SLC44A5: variants seen among roughly 807,000 people sequenced by gnomAD.
SLC44A5 encodes the protein solute carrier family 44 member 5.
SLC44A5 carries 57 observed loss-of-function variants against 101.8 expected under a neutral mutation model. The observed-to-expected ratio is 0.56, with a 90% CI of 0.45 to 0.70. The LOEUF is 0.70. SLC44A5 is among the 30% of genes least tolerant of loss of function. The pLI is 0.00. For synonymous variants in SLC44A5, 281 were observed against 290.9 expected, an observed-to-expected ratio of 0.97 and a Z score of 0.35; for missense variants, 737 against 853.1, an observed-to-expected ratio of 0.86 and a Z score of 1.70.
intron 4 of SLC44A5, among the ~76,000 whole-genome samples, chr1:75,316,830 A>G (rs1475301539): frequency 6.6e-6 from 1 of 152,190 alleles, no homozygotes. Context: ...TATGAAAGAA[A>G]TGCTTATTCA....
chr1:75,389,883 C>A (rs1180141026), intron 3 of SLC44A5, among the ~76,000 whole-genome samples: 1 of 151,870 alleles, frequency 6.6e-6, no homozygotes, highest in East Asian at 1.9e-4. Context: ...AAAATTGGTT[C>A]TTTGAAAGGA....
intron 2 of SLC44A5, among the ~76,000 whole-genome samples, chr1:75,484,640 C>G (rs2101790634): frequency 6.6e-6 from 1 of 152,324 alleles, no homozygotes; most frequent in Middle Eastern, 3.4e-3. Flanking sequence ...TACAGCTCCC[C>G]TAGGCAACAT....
chr1:75,234,592 C>A (rs186314439), intron 11 of SLC44A5, among the ~76,000 whole-genome samples: 40 of 152,060 alleles, frequency 2.6e-4, no homozygotes, highest in Admixed American at 2.6e-3. Flanking sequence ...AACTGGCCAT[C>A]CCCGGAGCCC....
intron 2 of SLC44A5, among the ~76,000 whole-genome samples, chr1:75,534,008 G>A (rs1034979647): frequency 2.0e-5 from 3 of 152,126 alleles, no homozygotes; most frequent in Non-Finnish European, 2.9e-5. Flanking sequence ...CAAGTTCAGG[G>A]ATGGAAAATA....
chr1:75,713,559 T>C, the SLC44A5 span, among the ~76,000 whole-genome samples: 1 of 152,050 alleles, frequency 6.6e-6, no homozygotes, highest in African/African-American at 2.4e-5. Context: ...TGCCCATGGG[T>C]TAGGGAGAGA....
intron 2 of SLC44A5, among the ~76,000 whole-genome samples, chr1:75,513,861 A>G (rs1669689741): frequency 6.6e-6 from 1 of 152,224 alleles, no homozygotes; most frequent in South Asian, 2.1e-4. Context: ...TATTTGAATT[A>G]CAGCTCTGTT....
intron 14 of SLC44A5, 31 bp downstream of exon 14, chr1:75,222,330 T>C (rs1647103103): frequency 6.7e-7 from 1 of 1,488,068 alleles, no homozygotes; most frequent in Admixed American, 1.7e-5. Flanking sequence ...ACTGATACAC[T>C]TTAGCTGAGT....
intron 5 of SLC44A5, among the ~76,000 whole-genome samples, chr1:75,275,386 T>C (rs995366322): frequency 6.6e-6 from 1 of 152,158 alleles, no homozygotes; most frequent in Non-Finnish European, 1.5e-5. Context: ...CAAAACTAAA[T>C]GACTTCATAG....
chr1:75,238,675 A>G, intron 9 of SLC44A5, 39 bp from the exon 10 acceptor site: 2 of 1,369,206 alleles, frequency 1.5e-6, no homozygotes, highest in Non-Finnish European at 2.0e-6. Context: ...TCACTTTTCT[A>G]TTTCTTCTTT....
intron 2 of SLC44A5, among the ~76,000 whole-genome samples, chr1:75,402,103 C>T (rs1416924495): frequency 6.6e-6 from 1 of 152,102 alleles, no homozygotes; most frequent in African/African-American, 2.4e-5. Flanking sequence ...GAAAGTTGAA[C>T]ACAACATTTT....
rs2100496246 is a variant in SLC44A5, at chr1:75,219,246, C to A, written c.1266+11G>T. The stretch of plus-strand genomic sequence containing the variant: ...TTGAAGTAAGTAAATGAAAGAGTTT[C>A]TTGTACTTACCTCTGGGTCACAGGT... On this transcript the variant is annotated intron_variant, in intron 16 of 23. Coordinates refer to ENST00000370859, the MANE Select transcript of SLC44A5 (RefSeq NM_001130058.2). 6.3e-7 allele frequency: 1 copy of A among 1,578,104 alleles called. No individual in the cohort carries two copies. Among genetic ancestry groups the A allele is most frequent in the Non-Finnish European group, 8.7e-7 (1 of 1,147,486 alleles).
At chr1:75,588,277 G>C (rs939562967) in intron 1 of SLC44A5, among the ~76,000 whole-genome samples, 1 of 150,036 alleles carries the variant, frequency 6.7e-6, no homozygotes. Context: ...GAGGAAGGGA[G>C]GTGGGGAGGA....
intron 3 of SLC44A5, among the ~76,000 whole-genome samples, chr1:75,356,312 G>A (rs1047497483): frequency 1.3e-5 from 2 of 151,860 alleles, no homozygotes; most frequent in African/African-American, 2.4e-5. Context: ...ACCTCCCAGT[G>A]GGATAAGATG....
chr1:75,699,693 A>G, the SLC44A5 span, among the ~76,000 whole-genome samples: 1 of 152,182 alleles, frequency 6.6e-6, no homozygotes, highest in Non-Finnish European at 1.5e-5. Flanking sequence ...AAATGCTCCA[A>G]TTAAAAGACA....
chr1:75,431,429 A>AC (rs1641623296), intron 2 of SLC44A5, among the ~76,000 whole-genome samples: 1 of 152,198 alleles, frequency 6.6e-6, no homozygotes, highest in African/African-American at 2.4e-5. Context: ...GGGTTACACT[A>AC]CTTTAAATGA....
the SLC44A5 span, among the ~76,000 whole-genome samples, chr1:75,624,357 A>C: frequency 6.6e-6 from 1 of 152,178 alleles, no homozygotes; most frequent in African/African-American, 2.4e-5. Flanking sequence ...TAACTATGAA[A>C]TCAACAGATG....
chr1:75,536,298 T>C (rs983823797), intron 2 of SLC44A5, among the ~76,000 whole-genome samples: 14 of 151,802 alleles, frequency 9.2e-5, no homozygotes, highest in Admixed American at 1.3e-4. Context: ...AAAAAGTGTC[T>C]TCATAAAAAT....
chr1:75,622,928 G>T, the SLC44A5 span, among the ~76,000 whole-genome samples: 2 of 152,030 alleles, frequency 1.3e-5, no homozygotes, highest in Non-Finnish European at 2.9e-5. Context: ...AAAACAAATG[G>T]CATACCAATT....
At chr1:75,577,292 A>G (rs1032352580) in intron 1 of SLC44A5, among the ~76,000 whole-genome samples, 3 of 152,196 alleles carry the variant, frequency 2.0e-5, no homozygotes, top group African/African-American at 4.8e-5. Flanking sequence ...TTCTCAAACC[A>G]TTCATTAACT....
Sources: allele counts gnomAD v4.1 joint callset (sites outside exome capture counted in the v4.1 genomes callset), GRCh38; gene constraint gnomAD v4.1.1; transcripts MANE v1.5; gene names NCBI Gene and HGNC (gene_info 2026-07-23, HGNC 2026-07-21).